Variants in CRTAC1 observed in about 807,000 individuals in gnomAD.
CRTAC1 encodes cartilage acidic protein 1, also known as acidic secreted protein in cartilage.
Under a neutral mutation model 67.8 loss-of-function variants are expected in CRTAC1, and 37 were observed. That is an observed-to-expected ratio of 0.55 (90% CI 0.42 to 0.72). The LOEUF is 0.72. CRTAC1 is among the 30% of genes least tolerant of loss of function. CRTAC1 has a pLI of 0.00. For missense variants in CRTAC1, 780 were observed against 931.6 expected (o/e 0.84, Z 2.12); for synonymous variants, 348 against 371.0 (o/e 0.94, Z 0.71).
intron 2 of CRTAC1, among the ~76,000 whole-genome samples, chr10:97,959,066 G>A (rs1014982579): frequency 3.2e-4 from 48 of 152,144 alleles, no homozygotes; most frequent in African/African-American, 1.1e-3. Flanking sequence ...TGTGGGACAA[G>A]CCAGCCTTTG....
intron 8 of CRTAC1, among the ~76,000 whole-genome samples, chr10:97,898,784 G>A (rs964030549): frequency 9.9e-5 from 15 of 152,186 alleles, no homozygotes; most frequent in African/African-American, 3.1e-4. Context: ...AGAGTGAAGA[G>A]CAGGTTGGAG....
In CRTAC1 at chr10:98,017,962, C is replaced by T. The variant is rs193045973; in HGVS notation, c.25-6625G>A. On this transcript the variant is annotated intron_variant, in intron 1 of 14. Coordinates refer to ENST00000370597, the MANE Select transcript of CRTAC1 (RefSeq NM_018058.7). ...CTGGAATCCCAGCACTTTGGGAGGC[C>T]GAGGCAGGCGGATTGCTTGAGGTCA... Among the ~76,000 whole-genome samples the T allele has an allele frequency of 2.3e-3, 346 of 151,544 alleles. 2 individuals carry two copies. The highest frequency in any genetic ancestry group is 7.7e-3 in the African/African-American group (317 of 41,304).
chr10:97,996,254 G>A (rs557229520), intron 2 of CRTAC1, among the ~76,000 whole-genome samples: 188 of 151,756 alleles, frequency 1.2e-3, no homozygotes, highest in Middle Eastern at 6.8e-3. Flanking sequence ...AAACTCAAGA[G>A]CTTCTGCACA....
chr10:97,917,744 C>G (rs571792895), intron 4 of CRTAC1, 88 bp from the exon 5 acceptor site: 11 of 1,110,434 alleles, frequency 9.9e-6, no homozygotes, highest in African/African-American at 1.6e-5. Context: ...AGGACCATAG[C>G]TCTTTCACAG....
At chr10:97,984,304 C>A (rs2051945688) in intron 2 of CRTAC1, among the ~76,000 whole-genome samples, 1 of 152,202 alleles carries the variant, frequency 6.6e-6, no homozygotes, top group African/African-American at 2.4e-5. Context: ...TCCATCCATC[C>A]AAATGAGTGT....
intron 2 of CRTAC1, among the ~76,000 whole-genome samples, chr10:97,952,216 G>C (rs900783011): frequency 1.3e-5 from 2 of 151,970 alleles, no homozygotes; most frequent in Non-Finnish European, 2.9e-5. Flanking sequence ...GCCAGGTGTG[G>C]TGGTGGGCAC....
intron 14 of CRTAC1, among the ~76,000 whole-genome samples, chr10:97,873,799 C>T (rs370006613): frequency 4.6e-5 from 7 of 152,308 alleles, no homozygotes; most frequent in African/African-American, 9.6e-5. Flanking sequence ...GTTCTGGGAA[C>T]GGGTGATACA....
At chr10:97,998,499 A>G (rs1026986382) in intron 2 of CRTAC1, among the ~76,000 whole-genome samples, 1 of 152,250 alleles carries the variant, frequency 6.6e-6, no homozygotes, top group African/African-American at 2.4e-5. Context: ...AATGGCAACC[A>G]TTACACCATG....
At chr10:97,879,149 G>A (rs1265960561) in intron 14 of CRTAC1, among the ~76,000 whole-genome samples, 2 of 152,132 alleles carry the variant, frequency 1.3e-5, no homozygotes, top group Admixed American at 1.3e-4. Context: ...GAGGCTGGAA[G>A]GCTTAGCAAG....
At chr10:97,927,331 T>G (rs2136602289) in intron 3 of CRTAC1, among the ~76,000 whole-genome samples, 1 of 152,328 alleles carries the variant, frequency 6.6e-6, no homozygotes, top group South Asian at 2.1e-4. Context: ...CTCACCCACC[T>G]CTTGGAGATT....
At chr10:98,028,906 G>C (rs866319262) in intron 1 of CRTAC1, among the ~76,000 whole-genome samples, 7 of 151,934 alleles carry the variant, frequency 4.6e-5, no homozygotes, top group South Asian at 2.1e-4. Flanking sequence ...CACAGAGCAG[G>C]TTCCCCAGAC....
chr10:98,023,164 G>A (rs1843156627), intron 1 of CRTAC1, among the ~76,000 whole-genome samples: 1 of 152,172 alleles, frequency 6.6e-6, no homozygotes, highest in South Asian at 2.1e-4. Flanking sequence ...AAACAGCAAA[G>A]GGAGGTAAAG....
chr10:97,907,064 T>G (rs1227006398), intron 6 of CRTAC1, among the ~76,000 whole-genome samples: 2 of 152,120 alleles, frequency 1.3e-5, no homozygotes, highest in African/African-American at 4.8e-5. Flanking sequence ...TGGGATGCAA[T>G]CATACATCCG....
intron 2 of CRTAC1, among the ~76,000 whole-genome samples, chr10:97,986,082 G>A (rs1277650497): frequency 6.6e-6 from 1 of 152,210 alleles, no homozygotes; most frequent in Non-Finnish European, 1.5e-5. Flanking sequence ...AAAGGGCTGG[G>A]CTCTGGGAAG....
At chr10:97,987,777 A>G (rs2052006852) in intron 2 of CRTAC1, among the ~76,000 whole-genome samples, 1 of 152,202 alleles carries the variant, frequency 6.6e-6, no homozygotes, top group African/African-American at 2.4e-5. Flanking sequence ...TAGGTGCTCA[A>G]TAAATGTTTC....
intron 2 of CRTAC1, among the ~76,000 whole-genome samples, chr10:97,953,741 G>T (rs1159879270): frequency 6.6e-6 from 1 of 152,194 alleles, no homozygotes; most frequent in Non-Finnish European, 1.5e-5. Context: ...AAAATGTAGG[G>T]CTGGACTTTG....
intron 2 of CRTAC1, among the ~76,000 whole-genome samples, chr10:98,004,379 G>A (rs1842745291): frequency 6.6e-6 from 1 of 152,212 alleles, no homozygotes. Context: ...CATTGACAAA[G>A]TTCAGACCCT....
intron 2 of CRTAC1, among the ~76,000 whole-genome samples, chr10:97,944,314 C>T (rs1238765797): frequency 6.6e-6 from 1 of 152,088 alleles, no homozygotes; most frequent in Non-Finnish European, 1.5e-5. Flanking sequence ...ACCCTGTAAT[C>T]CCAGCTACTT....
intron 2 of CRTAC1, among the ~76,000 whole-genome samples, chr10:97,970,607 T>G (rs983131856): frequency 6.6e-5 from 10 of 152,170 alleles, no homozygotes; most frequent in African/African-American, 2.4e-4. Flanking sequence ...TGCCTCAAAC[T>G]CCTCAGAGAA....
Sources: allele counts gnomAD v4.1 joint callset (sites outside exome capture counted in the v4.1 genomes callset), GRCh38; gene constraint gnomAD v4.1.1; transcripts MANE v1.5; gene names NCBI Gene and HGNC (gene_info 2026-07-23, HGNC 2026-07-21).